MOB3B: variants seen among roughly 807,000 people sequenced by gnomAD.
MOB3B encodes the protein MOB kinase activator-like 2B.
Under a neutral mutation model 18.7 loss-of-function variants are expected in MOB3B, and 7 were observed. That is an observed-to-expected ratio of 0.37 (90% CI 0.21 to 0.70). MOB3B has a LOEUF of 0.70. Among genes scored for constraint, MOB3B ranks in the 30% least tolerant of loss-of-function variants. MOB3B has a pLI of 0.52. For synonymous variants in MOB3B, 111 were observed against 99.9 expected, an observed-to-expected ratio of 1.11 and a Z score of -0.66; for missense variants, 253 against 281.3, an observed-to-expected ratio of 0.90 and a Z score of 0.72.
intron 3 of MOB3B, among the ~76,000 whole-genome samples, chr9:27,349,603 T>A (rs1821076586): frequency 6.6e-6 from 1 of 152,144 alleles, no homozygotes; most frequent in South Asian, 2.1e-4. Flanking sequence ...CTGCTGTGAC[T>A]GACATCCTGC....
chr9:27,350,900 CTTTT>C (rs36005041), intron 3 of MOB3B, among the ~76,000 whole-genome samples: 47 of 131,894 alleles, frequency 3.6e-4, no homozygotes, highest in Non-Finnish European at 6.4e-4. Flanking sequence ...CCATGGTGGG[CTTTT>C]TTTTTTTTTT....
intron 2 of MOB3B, among the ~76,000 whole-genome samples, chr9:27,370,694 G>A (rs965550325): frequency 3.3e-5 from 5 of 152,166 alleles, no homozygotes; most frequent in African/African-American, 1.2e-4. Flanking sequence ...AACATTTGTT[G>A]TTTATAAGCC....
chr9:27,498,987 T>C (rs1464435767), intron 1 of MOB3B, among the ~76,000 whole-genome samples: 2 of 152,200 alleles, frequency 1.3e-5, no homozygotes, highest in South Asian at 2.1e-4. Flanking sequence ...TTAAGCACAT[T>C]TTAAAGTGCA....
chr9:27,458,302 G>A (rs1457875199), intron 1 of MOB3B, among the ~76,000 whole-genome samples: 1 of 151,966 alleles, frequency 6.6e-6, no homozygotes, highest in Non-Finnish European at 1.5e-5. Flanking sequence ...ACCTTCCTCC[G>A]CACCTGTGCC....
intron 2 of MOB3B, among the ~76,000 whole-genome samples, chr9:27,364,378 A>G (rs1411728363): frequency 6.7e-6 from 1 of 150,370 alleles, no homozygotes; most frequent in Non-Finnish European, 1.5e-5. Context: ...TTCTTGAGAG[A>G]TCCTTGGCTA....
intron 1 of MOB3B, among the ~76,000 whole-genome samples, chr9:27,504,538 A>C (rs1820030763): frequency 1.3e-5 from 2 of 152,192 alleles, no homozygotes; most frequent in African/African-American, 4.8e-5. Flanking sequence ...TGAGCAGTAG[A>C]GTGATACTTG....
At chr9:27,524,445 CT>C in intron 1 of MOB3B, 1 of 1,614,058 alleles carries the variant, frequency 6.2e-7, no homozygotes, top group South Asian at 1.1e-5. Flanking sequence ...GAACGTTCAC[CT>C]GAGAAGAGTC....
chr9:27,433,626 G>C (rs1321266958), intron 2 of MOB3B, among the ~76,000 whole-genome samples: 1 of 152,164 alleles, frequency 6.6e-6, no homozygotes, highest in East Asian at 1.9e-4. Context: ...AATCAAATCT[G>C]AAAAAATTCC....
intron 2 of MOB3B, among the ~76,000 whole-genome samples, chr9:27,377,079 T>C (rs2131371410): frequency 6.6e-6 from 1 of 152,222 alleles, no homozygotes; most frequent in East Asian, 1.9e-4. Flanking sequence ...TAATAGCATC[T>C]ACCTTGTTGG....
intron 1 of MOB3B, among the ~76,000 whole-genome samples, chr9:27,507,956 GATT>G (rs1820084520): frequency 6.6e-6 from 1 of 152,154 alleles, no homozygotes; most frequent in Admixed American, 6.5e-5. Context: ...TGTTGAAATG[GATT>G]TAGCACACAG....
intron 2 of MOB3B, among the ~76,000 whole-genome samples, chr9:27,399,446 A>G (rs1821844662): frequency 1.3e-5 from 2 of 152,202 alleles, no homozygotes; most frequent in African/African-American, 4.8e-5. Context: ...AGCATCCTGT[A>G]CTCAGCTCAT....
chr9:27,407,027 C>A (rs1161018958), intron 2 of MOB3B, among the ~76,000 whole-genome samples: 1 of 151,902 alleles, frequency 6.6e-6, no homozygotes. Flanking sequence ...TTATTAGCGA[C>A]GGGGTTTCAC....
chr9:27,510,362 C>T (rs10812605), intron 1 of MOB3B, among the ~76,000 whole-genome samples: 87,976 of 152,040 alleles, frequency 0.58, 26,439 homozygotes, highest in Non-Finnish European at 0.64. Flanking sequence ...GTAGTCCTCC[C>T]TGTATTCCAT....
intron 2 of MOB3B, among the ~76,000 whole-genome samples, chr9:27,381,873 G>A (rs368842268): frequency 1.3e-5 from 2 of 152,030 alleles, no homozygotes; most frequent in African/African-American, 2.4e-5. Context: ...ATCAAACTAC[G>A]GGGTTCAAGC....
At chr9:27,387,787 G>C (rs1176284909) in intron 2 of MOB3B, among the ~76,000 whole-genome samples, 2 of 152,140 alleles carry the variant, frequency 1.3e-5, no homozygotes, top group Non-Finnish European at 2.9e-5. Context: ...AAGTCACCTT[G>C]AAAGACAGAA....
At chr9:27,389,900 T>C (rs1428679744) in intron 2 of MOB3B, among the ~76,000 whole-genome samples, 4 of 151,910 alleles carry the variant, frequency 2.6e-5, no homozygotes, top group Non-Finnish European at 4.4e-5. Flanking sequence ...TAATCCTGGA[T>C]ATGGCCTCTG....
intron 1 of MOB3B, among the ~76,000 whole-genome samples, chr9:27,486,280 A>G (rs572567784): frequency 6.6e-6 from 1 of 152,236 alleles, no homozygotes; most frequent in South Asian, 2.1e-4. Context: ...AGGACCGGTA[A>G]GTGAGAAGAC....
chr9:27,354,477 T>G (rs1260807845), intron 3 of MOB3B, among the ~76,000 whole-genome samples: 6 of 152,314 alleles, frequency 3.9e-5, no homozygotes, highest in Admixed American at 2.6e-4. Context: ...AAGCTTATGA[T>G]GCATCCCTGC....
At chr9:27,477,484 C>G (rs181037904) in intron 1 of MOB3B, among the ~76,000 whole-genome samples, 2 of 152,324 alleles carry the variant, frequency 1.3e-5, no homozygotes, top group East Asian at 3.9e-4. Flanking sequence ...TTTGTTTTGT[C>G]TTTCCCATGA....
Sources: allele counts gnomAD v4.1 joint callset (sites outside exome capture counted in the v4.1 genomes callset), GRCh38; gene constraint gnomAD v4.1.1; transcripts MANE v1.5; gene names NCBI Gene and HGNC (gene_info 2026-07-23, HGNC 2026-07-21).